PTPN3: variants seen among roughly 807,000 people sequenced by gnomAD.
PTPN3 encodes the protein protein tyrosine phosphatase non-receptor type 3.
A neutral mutation model predicts 132.7 loss-of-function variants in PTPN3; 96 were observed. The observed-to-expected ratio is 0.72, with a 90% CI of 0.61 to 0.86. The LOEUF (loss-of-function observed/expected upper bound fraction) is 0.86. PTPN3 is among the 40% of genes least tolerant of loss of function. The probability of loss-of-function intolerance (pLI) is 0.00; values close to 1 mark genes in which losing one functional copy is unlikely to be tolerated. For synonymous variants in PTPN3, 398 were observed against 429.0 expected, an observed-to-expected ratio of 0.93 and a Z score of 0.89; for missense variants, 1,125 against 1,159.6, an observed-to-expected ratio of 0.97 and a Z score of 0.43.
intron 19 of PTPN3, among the ~76,000 whole-genome samples, chr9:109,401,224 A>G (rs1359163970): frequency 6.6e-6 from 1 of 152,180 alleles, no homozygotes; most frequent in African/African-American, 2.4e-5. Context: ...CCAAAGACAA[A>G]GCCTCGGATG....
rs557739085 is a variant in PTPN3 at position 109,456,578 on chromosome 9, G to A, written c.289+595C>T. On this transcript the variant is annotated intron_variant, in intron 4 of 25. Transcript: ENST00000374541. The stretch of plus-strand genomic sequence containing the variant: ...GCCAGGTTGGTCTGGGGCATGAGTG[G>A]CATAAAGGGGAACAATGCTGGCAAT... Among the ~76,000 whole-genome samples, 626 of 152,298 alleles carry A rather than the reference G, an allele frequency of 4.1e-3. 13 individuals carry two copies. Among genetic ancestry groups the A allele is most frequent in the Non-Finnish European group, 6.9e-3 (471 of 68,024 alleles).
chr9:109,523,563 A>G, the PTPN3 span, among the ~76,000 whole-genome samples: 1 of 51,656 alleles, frequency 1.9e-5, no homozygotes, highest in Non-Finnish European at 3.7e-5. Context: ...TGAAGACTCA[A>G]GGAGAGAAAA....
upstream of PTPN3, among the ~76,000 whole-genome samples, chr9:109,503,283 A>G (rs1356752069): frequency 3.3e-5 from 5 of 152,216 alleles, no homozygotes; most frequent in Admixed American, 2.6e-4. Context: ...AGCCAGGAGC[A>G]TGCTAGAGAA....
the PTPN3 span, among the ~76,000 whole-genome samples, chr9:109,513,798 T>C: frequency 2.7e-4 from 41 of 152,336 alleles, 1 homozygote; most frequent in East Asian, 7.3e-3. Context: ...AGCTGCTTAC[T>C]TGATCTTTAG....
chr9:109,483,859 C>A (rs889175833), intron 1 of PTPN3, among the ~76,000 whole-genome samples: 1 of 152,158 alleles, frequency 6.6e-6, no homozygotes, highest in African/African-American at 2.4e-5. Context: ...CAAGGCTCCC[C>A]ATCATTAATC....
chr9:109,435,088 A>C (rs1843939603), intron 9 of PTPN3, among the ~76,000 whole-genome samples: 1 of 152,242 alleles, frequency 6.6e-6, no homozygotes, highest in Non-Finnish European at 1.5e-5. Flanking sequence ...AGTATGAAGC[A>C]GGTGTGACAG....
the PTPN3 span, among the ~76,000 whole-genome samples, chr9:109,505,865 T>G: frequency 6.6e-6 from 1 of 152,076 alleles, no homozygotes; most frequent in East Asian, 1.9e-4. Flanking sequence ...TTCTTCTGCC[T>G]CAGCCTCCCG....
At chr9:109,519,443 T>C in the PTPN3 span, among the ~76,000 whole-genome samples, 2 of 152,224 alleles carry the variant, frequency 1.3e-5, no homozygotes, top group East Asian at 3.8e-4. Flanking sequence ...TTTCAACTTA[T>C]GATGGGTTCG....
the PTPN3 span, among the ~76,000 whole-genome samples, chr9:109,518,220 C>G: frequency 5.9e-5 from 9 of 152,168 alleles, no homozygotes; most frequent in Non-Finnish European, 1.0e-4. Flanking sequence ...GTCAAGAATT[C>G]TGGGCTCAGT....
the PTPN3 span, among the ~76,000 whole-genome samples, chr9:109,504,150 A>T: frequency 1.3e-5 from 2 of 152,160 alleles, no homozygotes; most frequent in African/African-American, 4.8e-5. Context: ...TATCTGGGGG[A>T]AGAATCTTCT....
chr9:109,407,543 A>C (rs981823283), intron 17 of PTPN3, among the ~76,000 whole-genome samples: 1 of 152,138 alleles, frequency 6.6e-6, no homozygotes, highest in African/African-American at 2.4e-5. Flanking sequence ...AAAACAATAA[A>C]ATAAATTTAT....
At chr9:109,398,598 T>A (rs1156534309) in intron 19 of PTPN3, among the ~76,000 whole-genome samples, 2 of 152,220 alleles carry the variant, frequency 1.3e-5, no homozygotes, top group Non-Finnish European at 2.9e-5. Flanking sequence ...TAGCCACTGC[T>A]GTAATCCATC....
chr9:109,377,911 G>GTGGTTTCTTGTTT lies in PTPN3; in HGVS notation c.*1632_*1644dup. 1 of 152,158 alleles carries GTGGTTTCTTGTTT rather than the reference G, an allele frequency of 6.6e-6. No individual in the cohort carries two copies. The highest frequency in any genetic ancestry group is 1.5e-5 in the Non-Finnish European group (1 of 68,028). The allele number at this position is 152,158 out of a possible 1,614,324, so 9.4% of individuals were successfully genotyped here. ...CTGCCCCTTAGCTGCAAACTTTCTGGTGGTTTCTTGTTTTCAATATGGGGT... is the reference window on the plus strand; with the variant it reads ...CTGCCCCTTAGCTGCAAACTTTCTGGTGGTTTCTTGTTTTGGTTTCTTGTTTTCAATATGGGGT... On this transcript the variant is annotated 3_prime_UTR_variant, in exon 26 of 26. Coordinates refer to ENST00000374541, the MANE Select transcript of PTPN3 (RefSeq NM_002829.4).
chr9:109,500,927 C>CAA (rs147542257), upstream of PTPN3, among the ~76,000 whole-genome samples: 11 of 84,232 alleles, frequency 1.3e-4, 1 homozygote, highest in Middle Eastern at 0.016. Context: ...GATTCTGTCT[C>CAA]AAATAAAAAA....
intron 1 of PTPN3, among the ~76,000 whole-genome samples, chr9:109,494,392 C>T (rs376237716): frequency 1.1e-4 from 16 of 152,176 alleles, no homozygotes; most frequent in Admixed American, 3.3e-4. Flanking sequence ...GAGCCATGAT[C>T]GGGCCACTGC....
intron 6 of PTPN3, among the ~76,000 whole-genome samples, chr9:109,445,515 T>C (rs955868240): frequency 1.3e-5 from 2 of 152,172 alleles, no homozygotes; most frequent in African/African-American, 4.8e-5. Flanking sequence ...TAAAATAATA[T>C]CCATCACAAA....
At chr9:109,486,959 C>T (rs1437063327) in intron 1 of PTPN3, among the ~76,000 whole-genome samples, 3 of 152,186 alleles carry the variant, frequency 2.0e-5, no homozygotes, top group Non-Finnish European at 4.4e-5. Flanking sequence ...TTGTAAGTTT[C>T]CCAAGGCCTC....
chr9:109,483,914 G>A (rs1185793076), intron 1 of PTPN3, among the ~76,000 whole-genome samples: 3 of 152,182 alleles, frequency 2.0e-5, no homozygotes, highest in Non-Finnish European at 2.9e-5. Flanking sequence ...CTGGACCAGT[G>A]ACTTCAGCAT....
intron 18 of PTPN3, among the ~76,000 whole-genome samples, chr9:109,405,101 G>T (rs1018279639): frequency 2.0e-5 from 3 of 152,160 alleles, no homozygotes; most frequent in Non-Finnish European, 4.4e-5. Flanking sequence ...TTCTATGTGG[G>T]AGGCTCCCAC....
Sources: gnomAD v4.1 joint callset for allele counts (sites outside exome capture counted in the v4.1 genomes callset) on GRCh38, gnomAD v4.1.1 for gene constraint, MANE v1.5 for transcripts, NCBI Gene and HGNC (gene_info 2026-07-23, HGNC 2026-07-21) for gene names.